The following AR variants were observed in gnomAD, a reference collection of about 807,000 sequenced individuals.
The protein encoded by AR is androgen receptor, also known as dihydrotestosterone receptor.
AR carries 8 observed loss-of-function variants against 53.9 expected under a neutral mutation model. That is an observed-to-expected ratio of 0.15 (90% confidence interval 0.09 to 0.27). The LOEUF is 0.27. Among genes scored for constraint, AR ranks in the 10% least tolerant of loss-of-function variants. The pLI is 1.00. For synonymous variants in AR, 359 were observed against 316.4 expected, an observed-to-expected ratio of 1.13 and a Z score of -1.43; for missense variants, 639 against 742.5, an observed-to-expected ratio of 0.86 and a Z score of 1.62.
At chrX:67,690,024 G>A (rs2075987142) in intron 3 of AR, among the ~76,000 whole-genome samples, 1 of 111,348 alleles carries the variant, frequency 9.0e-6, no homozygotes, top group African/African-American at 3.3e-5. Flanking sequence ...CAACTCTTGA[G>A]TTCTCAGCAT....
intron 1 of AR, among the ~76,000 whole-genome samples, chrX:67,549,004 C>A (rs1349909962): frequency 8.9e-6 from 1 of 111,732 alleles, no homozygotes; most frequent in African/African-American, 3.3e-5. Flanking sequence ...TATAGAAAAT[C>A]CTTAAGCCGG....
At chrX:67,575,380 G>A (rs895375507) in intron 1 of AR, among the ~76,000 whole-genome samples, 17 of 111,760 alleles carry the variant, frequency 1.5e-4, no homozygotes, top group Admixed American at 1.0e-3. Context: ...AAAACATTGA[G>A]AGTGTGTAGA....
At chrX:67,638,301 T>C (rs963693918) in intron 1 of AR, among the ~76,000 whole-genome samples, 1 of 111,973 alleles carries the variant, frequency 8.9e-6, no homozygotes, top group African/African-American at 3.3e-5. Context: ...CATGTGTCTT[T>C]ATGGTAGAAT....
rs749861360 is a variant in AR, at chrX:67,663,879, A to G, written c.1768+20472A>G. Among the ~76,000 whole-genome samples, 50 of 111,838 alleles carry G rather than the reference A, an allele frequency of 4.5e-4. 1 individual carries two copies. The highest frequency in any genetic ancestry group is 1.5e-3 in the African/African-American group (46 of 30,739). On this transcript the variant is annotated intron_variant, in intron 2 of 7. Coordinates refer to ENST00000374690, the MANE Select transcript of AR (RefSeq NM_000044.6). ...CTTCATTTCATTCATTTGATCTTCA[A>G]TCACTGATACCCTTTCTTCCAGTTG...
In AR at chrX:67,698,444, G is replaced by T. The variant is rs147286693; in HGVS notation, c.1885+12318G>T. On this transcript the variant is annotated intron_variant, in intron 3 of 7. Transcript: ENST00000374690. The stretch of plus-strand genomic sequence containing the variant: ...GCCCCTAGGCAGGGCATCAATCACT[G>T]TCATTGTCCCCAGCCCTCCTTATTT... Among the ~76,000 whole-genome samples, 57 of 112,918 alleles carry T rather than the reference G, an allele frequency of 5.0e-4. 1 individual carries two copies. In the East Asian group the frequency reaches 0.012, roughly 23 times the overall value.
intron 2 of AR, among the ~76,000 whole-genome samples, chrX:67,673,078 G>A (rs1171736523): frequency 9.6e-6 from 1 of 104,215 alleles, no homozygotes; most frequent in Non-Finnish European, 2.0e-5. Flanking sequence ...CTTCAGGTAA[G>A]TCATGCCACT....
intron 7 of AR, 146 bp from the exon 8 acceptor site, chrX:67,723,540 C>CACACACAT (rs2076146060): frequency 1.4e-5 from 9 of 621,749 alleles, no homozygotes; most frequent in Admixed American, 9.5e-5. Flanking sequence ...CACACACACA[C>CACACACAT]GACCTCATGG....
At chrX:67,609,826 G>A (rs770770860) in intron 1 of AR, among the ~76,000 whole-genome samples, 35 of 111,798 alleles carry the variant, frequency 3.1e-4, no homozygotes, top group Non-Finnish European at 5.8e-4. Context: ...AGGCATCAAA[G>A]CATTTGAAGA....
intron 5 of AR, among the ~76,000 whole-genome samples, chrX:67,720,455 T>A: frequency 8.9e-6 from 1 of 111,784 alleles, no homozygotes; most frequent in South Asian, 3.8e-4. Context: ...AGCATTGTCA[T>A]CAACAGAGGT....
chrX:67,565,357 T>C (rs966076551), intron 1 of AR, among the ~76,000 whole-genome samples: 1 of 112,019 alleles, frequency 8.9e-6, no homozygotes, highest in Non-Finnish European at 1.9e-5. Flanking sequence ...TTCTCTTTTT[T>C]CCTTTCCCTC....
At chrX:67,598,012 G>A (rs1056822861) in intron 1 of AR, among the ~76,000 whole-genome samples, 20 of 111,326 alleles carry the variant, frequency 1.8e-4, no homozygotes, top group African/African-American at 6.5e-4. Context: ...CAGTATTTGC[G>A]GACTTGAGCA....
chrX:67,624,109 T>C (rs891904746), intron 1 of AR, among the ~76,000 whole-genome samples: 10 of 111,252 alleles, frequency 9.0e-5, no homozygotes, highest in South Asian at 3.8e-4. Context: ...ACTCACTCAC[T>C]ATCATGAGAA....
At chrX:67,633,340 A>G (rs769871850) in intron 1 of AR, among the ~76,000 whole-genome samples, 1 of 111,341 alleles carries the variant, frequency 9.0e-6, no homozygotes, top group Non-Finnish European at 1.9e-5. Context: ...CTTTGTGTTC[A>G]TATGTACTCA....
At chrX:67,606,912 C>G (rs1923653099) in intron 1 of AR, among the ~76,000 whole-genome samples, 1 of 112,483 alleles carries the variant, frequency 8.9e-6, no homozygotes, top group South Asian at 3.7e-4. Context: ...CTGGGTATTG[C>G]AAATTCATGG....
intron 2 of AR, among the ~76,000 whole-genome samples, chrX:67,668,688 G>A (rs1427798512): frequency 2.7e-5 from 3 of 110,869 alleles, no homozygotes; most frequent in Non-Finnish European, 5.7e-5. Context: ...TGGGTCCTGG[G>A]CTTTTTACTG....
chrX:67,709,459 C>T (rs1238718638), intron 3 of AR, among the ~76,000 whole-genome samples: 1 of 112,592 alleles, frequency 8.9e-6, no homozygotes, highest in Non-Finnish European at 1.9e-5. Context: ...ATATAATCTC[C>T]TGGTGTGCCG....
At chrX:67,604,327 C>G (rs1213992921) in intron 1 of AR, among the ~76,000 whole-genome samples, 1 of 107,199 alleles carries the variant, frequency 9.3e-6, no homozygotes. Context: ...TAGCACTCAC[C>G]CGTTCCAAGA....
At chrX:67,560,158 C>T (rs1448812990) in intron 1 of AR, among the ~76,000 whole-genome samples, 1 of 111,233 alleles carries the variant, frequency 9.0e-6, no homozygotes, top group Admixed American at 9.6e-5. Flanking sequence ...GGACTCTTCT[C>T]TACCCTTCCC....
At chrX:67,612,326 T>C (rs989905824) in intron 1 of AR, among the ~76,000 whole-genome samples, 2 of 112,171 alleles carry the variant, frequency 1.8e-5, no homozygotes, top group African/African-American at 6.5e-5. Context: ...AATTCAGAAC[T>C]GCGCAGATCA....
Sources: gnomAD v4.1 joint callset for allele counts (sites outside exome capture counted in the v4.1 genomes callset) on GRCh38, gnomAD v4.1.1 for gene constraint, MANE v1.5 for transcripts, NCBI Gene and HGNC (gene_info 2026-07-23, HGNC 2026-07-21) for gene names.